The following FER variants were observed in gnomAD, a reference collection of about 807,000 sequenced individuals.
FER encodes tyrosine-protein kinase Fer.
A neutral mutation model predicts 111.0 loss-of-function variants in FER; 63 were observed. The observed-to-expected ratio is 0.57, with a 90% confidence interval of 0.46 to 0.70. FER has a LOEUF of 0.70. FER is among the 30% of genes least tolerant of loss of function. FER has a pLI of 0.00. For missense variants in FER, 914 were observed against 954.0 expected, an observed-to-expected ratio of 0.96 and a Z score of 0.55; for synonymous variants, 327 against 313.9, an observed-to-expected ratio of 1.04 and a Z score of -0.44.
At position 108,963,405 on chromosome 5, in the gene FER, T is replaced by C. The variant is rs371760059; in HGVS notation, c.1656+4058T>C. Reference sequence around the variant, plus strand: ...AGTGAAACCCCGTCTCTACTAAAAATACAAAAATTAGCCAGGTGTGGTGGC... The same window carrying C: ...AGTGAAACCCCGTCTCTACTAAAAACACAAAAATTAGCCAGGTGTGGTGGC... On this transcript the variant is annotated intron_variant, in intron 13 of 19. Coordinates refer to ENST00000281092, the MANE Select transcript of FER (RefSeq NM_005246.4). 3.6e-4 allele frequency among the ~76,000 whole-genome samples: 55 copies of C among 151,952 alleles called. 2 individuals are homozygous for C. In the South Asian group the frequency reaches 0.011, roughly 30 times the overall value.
Position 109,101,164 on chromosome 5 carries a change from C to T in FER, c.2048+645C>T, listed in dbSNP as rs147355877. Reference sequence around the variant, plus strand: ...TTGTAGCGGGAATTGTTTTTTAGTGCTAAATGTCAGTACAATTTATGATCT... The same window carrying T: ...TTGTAGCGGGAATTGTTTTTTAGTGTTAAATGTCAGTACAATTTATGATCT... On this transcript the variant is annotated intron_variant, in intron 17 of 19. Transcript: ENST00000281092. Among the ~76,000 whole-genome samples the T allele has an allele frequency of 5.7e-4, 86 of 151,928 alleles. 2 individuals carry two copies. Among genetic ancestry groups the T allele is most frequent in the South Asian group, 2.3e-3 (11 of 4,818 alleles).
intron 16 of FER, among the ~76,000 whole-genome samples, chr5:109,079,770 A>AT (rs1211526558): frequency 6.6e-6 from 1 of 152,066 alleles, no homozygotes; most frequent in African/African-American, 2.4e-5. Flanking sequence ...GATTCTGCAG[A>AT]TTTTTAGACC....
chr5:108,851,755 TC>T (rs1657079056), intron 5 of FER, among the ~76,000 whole-genome samples: 1 of 152,214 alleles, frequency 6.6e-6, no homozygotes, highest in Admixed American at 6.5e-5. Flanking sequence ...AATTATATAT[TC>T]AGATATAGCC....
rs1300744718 is a variant in FER at position 108,891,813 on chromosome 5, C to G, written c.1047-5846C>G. ...TATATCTCCAAATGCTATCCCTCCC[C>G]CTTCCCCCACGCAACAACAGGCCCC... On this transcript the variant is annotated intron_variant, in intron 9 of 19. Coordinates refer to ENST00000281092, the MANE Select transcript of FER (RefSeq NM_005246.4). Among the ~76,000 whole-genome samples, 3 of 152,210 alleles carry G rather than the reference C, an allele frequency of 2.0e-5. 1 individual carries two copies. Among genetic ancestry groups the G allele is most frequent in the Admixed American group, 2.0e-4 (3 of 15,270 alleles).
At chr5:109,135,669 A>G (rs890717236) in intron 17 of FER, among the ~76,000 whole-genome samples, 1 of 152,054 alleles carries the variant, frequency 6.6e-6, no homozygotes, top group African/African-American at 2.4e-5. Flanking sequence ...AAGGACCACT[A>G]TTATCCAGTA....
intron 16 of FER, among the ~76,000 whole-genome samples, chr5:109,051,012 G>T (rs1360563423): frequency 6.6e-6 from 1 of 152,096 alleles, no homozygotes; most frequent in Non-Finnish European, 1.5e-5. Flanking sequence ...GGTGTTTGCT[G>T]GGAGAAAAAG....
At chr5:109,121,401 G>A (rs193282474) in intron 17 of FER, among the ~76,000 whole-genome samples, 18 of 152,170 alleles carry the variant, frequency 1.2e-4, no homozygotes, top group Admixed American at 9.2e-4. Flanking sequence ...CACATTGATC[G>A]AGTTGCATGT....
At chr5:108,760,503 T>G (rs1203924660) in intron 1 of FER, among the ~76,000 whole-genome samples, 1 of 152,234 alleles carries the variant, frequency 6.6e-6, no homozygotes, top group Non-Finnish European at 1.5e-5. Flanking sequence ...ATCTGTTGTT[T>G]AGTGTAGCCA....
intron 3 of FER, among the ~76,000 whole-genome samples, chr5:108,832,041 A>G (rs531094330): frequency 6.6e-6 from 1 of 152,152 alleles, no homozygotes; most frequent in East Asian, 1.9e-4. Flanking sequence ...AGCAGTTTCC[A>G]TATGCCCACT....
chr5:108,832,749 T>TC, intron 3 of FER, 21 bp from the exon 4 acceptor site: 1 of 1,427,996 alleles, frequency 7.0e-7, no homozygotes, highest in Non-Finnish European at 9.3e-7. Flanking sequence ...AATGTTTGTT[T>TC]CTTTTTTTTT....
intron 10 of FER, among the ~76,000 whole-genome samples, chr5:108,921,339 T>G (rs768458312): frequency 2.6e-5 from 4 of 152,114 alleles, no homozygotes; most frequent in Non-Finnish European, 1.5e-5. Context: ...GATTATGGTA[T>G]GTATGTATGT....
intron 13 of FER, among the ~76,000 whole-genome samples, chr5:108,973,182 T>C (rs933519970): frequency 2.0e-5 from 3 of 152,174 alleles, no homozygotes; most frequent in Non-Finnish European, 4.4e-5. Context: ...GAGAATGATA[T>C]ACAAGAACAG....
chr5:108,938,810 A>C (rs1268733696), intron 10 of FER, among the ~76,000 whole-genome samples: 1 of 151,966 alleles, frequency 6.6e-6, no homozygotes, highest in Non-Finnish European at 1.5e-5. Context: ...ATTTAGAGCT[A>C]TTCCATGTGA....
At chr5:109,076,267 C>T (rs1422574749) in intron 16 of FER, among the ~76,000 whole-genome samples, 1 of 152,126 alleles carries the variant, frequency 6.6e-6, no homozygotes, top group African/African-American at 2.4e-5. Context: ...TATGTAGCAA[C>T]ATTACTAATA....
chr5:108,825,169 A>G (rs545571577), intron 3 of FER, among the ~76,000 whole-genome samples: 19 of 152,254 alleles, frequency 1.2e-4, no homozygotes, highest in African/African-American at 4.6e-4. Flanking sequence ...TTATCAGGAG[A>G]CAGAGTTTTG....
At chr5:109,108,305 C>T (rs964820515) in intron 17 of FER, among the ~76,000 whole-genome samples, 3 of 152,078 alleles carry the variant, frequency 2.0e-5, no homozygotes, top group Non-Finnish European at 4.4e-5. Context: ...GATGATAAAA[C>T]CTGTGAAGTA....
At chr5:108,782,384 A>G (rs1008230884) in intron 2 of FER, among the ~76,000 whole-genome samples, 1 of 151,882 alleles carries the variant, frequency 6.6e-6, no homozygotes, top group Non-Finnish European at 1.5e-5. Flanking sequence ...CCTCCTGCAT[A>G]GACCACGTTT....
chr5:109,109,969 C>T (rs1749405422), intron 17 of FER, among the ~76,000 whole-genome samples: 2 of 152,002 alleles, frequency 1.3e-5, no homozygotes, highest in African/African-American at 2.4e-5. Flanking sequence ...GTTTTTGTGC[C>T]AAATCCGGTG....
At position 108,839,387 on chromosome 5, in the gene FER, A is replaced by T. The variant is rs370722288; in HGVS notation, c.481+3580A>T. On this transcript the variant is annotated intron_variant, in intron 5 of 19. Coordinates refer to ENST00000281092, the MANE Select transcript of FER (RefSeq NM_005246.4). ...GAACCAAGTTAGTCCAGGTAGGAAG[A>T]GAAGATTTTGGGGAGTTAGGCTAGT... 2.0e-5 allele frequency among the ~76,000 whole-genome samples: 3 copies of T among 152,126 alleles called. No individual in the cohort carries two copies. The East Asian group carries it at 5.8e-4, about 29-fold the overall frequency.
Sources: allele counts gnomAD v4.1 joint callset (sites outside exome capture counted in the v4.1 genomes callset), GRCh38; gene constraint gnomAD v4.1.1; transcripts MANE v1.5; gene names NCBI Gene and HGNC (gene_info 2026-07-23, HGNC 2026-07-21).